ADGRV1: variants seen among roughly 807,000 people sequenced by gnomAD.
The protein encoded by ADGRV1 is G-protein coupled receptor 98.
A neutral mutation model predicts 596.2 loss-of-function variants in ADGRV1; 359 were observed. The ratio of observed to expected loss-of-function variants is 0.60; its 90% CI spans 0.55 to 0.66. The LOEUF is 0.66. Ranked by LOEUF, ADGRV1 falls within the 30% of genes least tolerant of loss-of-function variation. The pLI, the probability that ADGRV1 is intolerant of heterozygous loss-of-function variation, is 0.00. For missense variants in ADGRV1, 7,274 were observed against 7,575.6 expected (o/e 0.96, Z 1.48); for synonymous variants, 2,681 against 2,679.2 (o/e 1.00, Z -0.02).
intron 18 of ADGRV1, among the ~76,000 whole-genome samples, 172 bp downstream of exon 18, chr5:90,651,902 C>CA (rs969174878): frequency 1.4e-3 from 205 of 147,016 alleles, no homozygotes; most frequent in Middle Eastern, 3.5e-3. Flanking sequence ...CACTTATCTT[C>CA]AAAAAAAAAA....
At chr5:90,998,750 A>G (rs1265563616) in intron 85 of ADGRV1, among the ~76,000 whole-genome samples, 5 of 152,186 alleles carry the variant, frequency 3.3e-5, no homozygotes, top group African/African-American at 1.2e-4. Flanking sequence ...AAAGCAACAA[A>G]TAATGGCAGT....
At chr5:90,899,774 T>A (rs1156871368) in intron 83 of ADGRV1, among the ~76,000 whole-genome samples, 1 of 152,032 alleles carries the variant, frequency 6.6e-6, no homozygotes, top group African/African-American at 2.4e-5. Context: ...ACTCTCATGC[T>A]CCATTCCTTC....
chr5:90,994,751 A>C (rs1037511617), intron 85 of ADGRV1, among the ~76,000 whole-genome samples: 1 of 152,238 alleles, frequency 6.6e-6, no homozygotes, highest in Non-Finnish European at 1.5e-5. Flanking sequence ...CTGAATTTAC[A>C]GATTTAATTT....
chr5:90,975,759 G>A (rs1779512807), intron 84 of ADGRV1, among the ~76,000 whole-genome samples: 2 of 151,954 alleles, frequency 1.3e-5, no homozygotes, highest in African/African-American at 2.4e-5. Flanking sequence ...TGTAAATGAC[G>A]AGTTAATGGG....
chr5:90,768,780 G>A (rs78496002), intron 59 of ADGRV1, among the ~76,000 whole-genome samples: 6 of 152,262 alleles, frequency 3.9e-5, no homozygotes, highest in African/African-American at 1.4e-4. Flanking sequence ...TGAGTCAGGG[G>A]GATATTGCAC....
At chr5:90,901,365 A>G (rs1166091052) in intron 83 of ADGRV1, among the ~76,000 whole-genome samples, 1 of 152,160 alleles carries the variant, frequency 6.6e-6, no homozygotes, top group African/African-American at 2.4e-5. Context: ...GTGAGATATG[A>G]GTATAATCAA....
intron 21 of ADGRV1, among the ~76,000 whole-genome samples, chr5:90,669,801 G>A (rs903393125): frequency 6.6e-6 from 1 of 152,154 alleles, no homozygotes; most frequent in African/African-American, 2.4e-5. Flanking sequence ...GTTTCTTGTG[G>A]ATGAAATAGC....
intron 85 of ADGRV1, among the ~76,000 whole-genome samples, chr5:90,989,300 A>G (rs1298153465): frequency 6.6e-6 from 1 of 152,196 alleles, no homozygotes; most frequent in Non-Finnish European, 1.5e-5. Flanking sequence ...TTTCATATTT[A>G]GTATGTTTAA....
intron 22 of ADGRV1, chr5:90,672,937 T>C: frequency 2.2e-6 from 1 of 457,454 alleles, no homozygotes; most frequent in African/African-American, 2.0e-5. Flanking sequence ...TGTACAGAAC[T>C]TTATCATGAC....
intron 77 of ADGRV1, among the ~76,000 whole-genome samples, chr5:90,838,728 A>G (rs1385879240): frequency 1.3e-5 from 2 of 152,162 alleles, no homozygotes; most frequent in Non-Finnish European, 2.9e-5. Context: ...ACCCAATATC[A>G]AATTCATCAG....
intron 28 of ADGRV1, among the ~76,000 whole-genome samples, chr5:90,685,392 G>C (rs1441550091): frequency 6.6e-6 from 1 of 151,984 alleles, no homozygotes; most frequent in African/African-American, 2.4e-5. Flanking sequence ...AGACCAGCCT[G>C]GGCAACATGG....
intron 78 of ADGRV1, among the ~76,000 whole-genome samples, chr5:90,842,464 C>T (rs1363147775): frequency 1.3e-5 from 2 of 151,976 alleles, no homozygotes; most frequent in African/African-American, 2.4e-5. Context: ...GTAATCCCAG[C>T]GGAGGCGGGA....
Position 90,690,068 on chromosome 5 carries a change from G to C in ADGRV1, c.6698G>C (p.Gly2233Ala), listed in dbSNP as rs1434927865. ...IIIEASDDPY[G>A]LFGFQITKLI... ...ATTGAGGCCTCTGATGACCCCTATG[G>C]ATTATTTGGTATGAAGACTAATTTA... Residue 2233 changes from glycine to alanine, a missense_variant, in exon 30 of 90, where the codon GGA (glycine) becomes GCA (alanine). By Grantham distance (60) the Gly-to-Ala change is moderately conservative (BLOSUM62 0). This residue lies in a region of ADGRV1 where 3,643 missense variants were observed against 3,809.2 expected (regional missense o/e 0.96). Transcript: ENST00000405460. 2 of 1,536,230 alleles carry C rather than the reference G, an allele frequency of 1.3e-6. No homozygotes were observed. The highest frequency in any genetic ancestry group is 1.8e-6 in the Non-Finnish European group (2 of 1,126,426).
intron 78 of ADGRV1, chr5:90,846,731 G>T (rs565693521): frequency 6.6e-6 from 1 of 152,660 alleles, no homozygotes; most frequent in South Asian, 2.1e-4. Flanking sequence ...GAAGAATAAA[G>T]CTTCCATAGT....
chr5:90,749,281 T>C (rs1444887174), intron 52 of ADGRV1, among the ~76,000 whole-genome samples: 1 of 152,242 alleles, frequency 6.6e-6, no homozygotes, highest in African/African-American at 2.4e-5. Flanking sequence ...AAATGAGATA[T>C]AGCAGATAAT....
At chr5:90,702,668 T>C (rs925657139) in intron 34 of ADGRV1, among the ~76,000 whole-genome samples, 1 of 151,944 alleles carries the variant, frequency 6.6e-6, no homozygotes, top group Admixed American at 6.6e-5. Flanking sequence ...TTTTAAAAAA[T>C]GTTTGAAGAT....
At chr5:90,708,692 A>G (rs993004509) in intron 38 of ADGRV1, 124 bp from the exon 39 acceptor site, 2 of 539,094 alleles carry the variant, frequency 3.7e-6, no homozygotes, top group African/African-American at 1.9e-5. Context: ...ACATCTGTCT[A>G]CTTTATGGTT....
intron 75 of ADGRV1, among the ~76,000 whole-genome samples, chr5:90,817,917 A>G (rs1177694307): frequency 2.0e-5 from 3 of 152,030 alleles, no homozygotes; most frequent in South Asian, 2.1e-4. Context: ...GGTTCCATAC[A>G]AACTTTAAAG....
Position 90,675,328 on chromosome 5 carries a change from G to A in ADGRV1, c.5196G>A (p.Val1732=). 2 of 1,613,866 alleles carry A rather than the reference G, an allele frequency of 1.2e-6. No individual in the cohort carries two copies. The highest frequency in any genetic ancestry group is 1.7e-6 in the Non-Finnish European group (2 of 1,179,850). ...LPASSVPHIT[V]EEEDGEIRLL... is the part of the protein sequence containing the mutation. ...CAAGCAGCGTTCCACATATCACTGTGGAGGAGGAAGATGGAGAAATCAGGT... is the reference window on the plus strand; with the variant it reads ...CAAGCAGCGTTCCACATATCACTGTAGAGGAGGAAGATGGAGAAATCAGGT... Residue 1732 remains valine, a synonymous_variant, in exon 24 of 90, where the codon GTG becomes GTA. Coordinates refer to ENST00000405460, the MANE Select transcript of ADGRV1 (RefSeq NM_032119.4).
Sources: gnomAD v4.1 joint callset for allele counts (sites outside exome capture counted in the v4.1 genomes callset) on GRCh38, gnomAD v4.1.1 for gene constraint, gnomAD v4.1.1 regional missense constraint, MANE v1.5 for transcripts, NCBI Gene and HGNC (gene_info 2026-07-23, HGNC 2026-07-21) for gene names.